CDH8: variants seen among roughly 807,000 people sequenced by gnomAD.
CDH8 encodes the protein cadherin-8.
A neutral mutation model predicts 68.1 loss-of-function variants in CDH8; 17 were observed. The observed-to-expected ratio is 0.25, with a 90% CI of 0.17 to 0.37. The LOEUF (loss-of-function observed/expected upper bound fraction) is 0.37, where lower values mean the gene tolerates loss of function less well. CDH8 is among the 10% of genes least tolerant of loss of function. The pLI is 1.00. For missense variants in CDH8, 763 were observed against 999.3 expected, an observed-to-expected ratio of 0.76 and a Z score of 3.19; for synonymous variants, 372 against 365.1, an observed-to-expected ratio of 1.02 and a Z score of -0.21.
intron 10 of CDH8, among the ~76,000 whole-genome samples, chr16:61,656,940 A>G (rs917443188): frequency 2.0e-5 from 3 of 152,190 alleles, no homozygotes; most frequent in Non-Finnish European, 2.9e-5. Flanking sequence ...ACTGAAAGAT[A>G]TACATTTACT....
chr16:61,965,155 G>A (rs1444606960), intron 2 of CDH8, among the ~76,000 whole-genome samples: 1 of 152,178 alleles, frequency 6.6e-6, no homozygotes, highest in Non-Finnish European at 1.5e-5. Context: ...ATCCCCTCAA[G>A]TAGGCATCAC....
intron 10 of CDH8, among the ~76,000 whole-genome samples, chr16:61,695,619 G>A (rs931273287): frequency 6.6e-6 from 1 of 152,104 alleles, no homozygotes; most frequent in African/African-American, 2.4e-5. Context: ...GACAATTCCA[G>A]ACACTGTCAA....
At chr16:61,741,930 CT>C (rs1959884086) in intron 8 of CDH8, among the ~76,000 whole-genome samples, 1 of 152,090 alleles carries the variant, frequency 6.6e-6, no homozygotes, top group African/African-American at 2.4e-5. Context: ...TGTATTGATA[CT>C]GCTTAGATTC....
intron 2 of CDH8, among the ~76,000 whole-genome samples, chr16:61,956,384 T>TG (rs1378424986): frequency 1.3e-5 from 2 of 152,034 alleles, no homozygotes; most frequent in Non-Finnish European, 2.9e-5. Flanking sequence ...TCAAAGAAAA[T>TG]GTCTACAATT....
intron 8 of CDH8, among the ~76,000 whole-genome samples, chr16:61,755,660 T>A (rs1278535782): frequency 6.6e-6 from 1 of 152,170 alleles, no homozygotes; most frequent in Non-Finnish European, 1.5e-5. Context: ...TTTTATTTTA[T>A]TTTATTTATT....
chr16:61,817,694 C>T lies in CDH8; in HGVS notation c.1062G>A (p.Lys354=). 1 of 1,600,114 alleles carries T rather than the reference C, an allele frequency of 6.2e-7. No individual in the cohort carries two copies. The highest frequency in any genetic ancestry group is 1.1e-5 in the South Asian group (1 of 89,146). ...CAATATGGACATTGGCTGCCTCTAC[C>T]TTTAGCGTATAGGATTTTTTGGTCT... The part of the protein sequence containing the change: ...DFETKKSYTL[K]VEAANVHIDP... The change falls in exon 7 of 12, where the codon AAG becomes AAA. Residue 354 remains lysine (K), a synonymous_variant. Transcript: ENST00000577390.
chr16:61,668,677 A>C lies in CDH8; in HGVS notation c.1655-12956T>G, dbSNP rs1008263190. 2.6e-5 allele frequency among the ~76,000 whole-genome samples: 4 copies of C among 151,802 alleles called. No homozygotes were observed. In the South Asian group the frequency reaches 8.3e-4, roughly 31 times the overall value. On this transcript the variant is annotated intron_variant, in intron 10 of 11. Coordinates refer to ENST00000577390, the MANE Select transcript of CDH8 (RefSeq NM_001796.5). ...CACATAAACCACTTAGGAAAAAAAAAAAACAAACACACACCAAGGCCTTTA... is the reference window on the plus strand; with the variant it reads ...CACATAAACCACTTAGGAAAAAAAACAAACAAACACACACCAAGGCCTTTA...
chr16:62,020,862 C>T (rs184222023), intron 2 of CDH8, among the ~76,000 whole-genome samples: 1 of 152,260 alleles, frequency 6.6e-6, no homozygotes, highest in East Asian at 1.9e-4. Context: ...TGAGATCTCT[C>T]TCGTGTGAGT....
intron 3 of CDH8, among the ~76,000 whole-genome samples, chr16:61,875,018 T>C (rs1424676929): frequency 6.6e-6 from 1 of 152,204 alleles, no homozygotes; most frequent in Non-Finnish European, 1.5e-5. Flanking sequence ...TAAAAATCTT[T>C]GGTGGAAACA....
At chr16:61,979,644 G>A (rs968874301) in intron 2 of CDH8, among the ~76,000 whole-genome samples, 1 of 146,172 alleles carries the variant, frequency 6.8e-6, no homozygotes, top group African/African-American at 2.5e-5. Context: ...TTTGTTTTAG[G>A]TTTTTTTTTT....
At chr16:62,001,141 A>C (rs1347023827) in intron 2 of CDH8, among the ~76,000 whole-genome samples, 1 of 152,178 alleles carries the variant, frequency 6.6e-6, no homozygotes, top group Non-Finnish European at 1.5e-5. Flanking sequence ...GAAATTCAGA[A>C]ACGTGATTCT....
chr16:61,788,004 G>C (rs1259860685), intron 8 of CDH8, among the ~76,000 whole-genome samples: 1 of 150,188 alleles, frequency 6.7e-6, no homozygotes, highest in South Asian at 2.1e-4. Flanking sequence ...CGAGTTAGTG[G>C]GTGTAGCGCA....
At chr16:61,968,074 A>T (rs1278621310) in intron 2 of CDH8, among the ~76,000 whole-genome samples, 4 of 152,080 alleles carry the variant, frequency 2.6e-5, no homozygotes, top group Non-Finnish European at 4.4e-5. Flanking sequence ...CCTCCCAAAG[A>T]GCTGGGATTA....
intron 2 of CDH8, among the ~76,000 whole-genome samples, chr16:61,961,298 G>A (rs1965150224): frequency 6.6e-6 from 1 of 151,868 alleles, no homozygotes; most frequent in South Asian, 2.1e-4. Flanking sequence ...CTGGGCAACA[G>A]AGTGAGACAT....
chr16:61,788,922 T>C (rs550683418), intron 8 of CDH8, among the ~76,000 whole-genome samples: 127 of 152,188 alleles, frequency 8.3e-4, no homozygotes, highest in Non-Finnish European at 1.4e-3. Flanking sequence ...CTTCCATCTA[T>C]ATTTTCCACA....
intron 2 of CDH8, among the ~76,000 whole-genome samples, chr16:61,967,220 G>A (rs144616718): frequency 6.6e-6 from 1 of 152,174 alleles, no homozygotes; most frequent in Non-Finnish European, 1.5e-5. Flanking sequence ...AAGAGAAGAG[G>A]AATGGCCATC....
intron 8 of CDH8, among the ~76,000 whole-genome samples, chr16:61,746,556 A>AACACACAC (rs71675273): frequency 0.05 from 7,022 of 140,120 alleles, 189 homozygotes; most frequent in Middle Eastern, 0.071. Context: ...ATTCCCCCCC[A>AACACACAC]ACACACACAC....
At chr16:61,993,270 C>G (rs760976684) in intron 2 of CDH8, among the ~76,000 whole-genome samples, 7 of 152,138 alleles carry the variant, frequency 4.6e-5, no homozygotes, top group Non-Finnish European at 8.8e-5. Flanking sequence ...AAATTGGAGA[C>G]AGCACTCCCT....
intron 8 of CDH8, among the ~76,000 whole-genome samples, chr16:61,774,835 T>A (rs1037133597): frequency 1.3e-5 from 2 of 152,182 alleles, no homozygotes; most frequent in African/African-American, 4.8e-5. Context: ...CTTGAACAGT[T>A]ATTTAAAAGA....
Sources: gnomAD v4.1 joint callset for allele counts (sites outside exome capture counted in the v4.1 genomes callset) on GRCh38, gnomAD v4.1.1 for gene constraint, MANE v1.5 for transcripts, NCBI Gene and HGNC (gene_info 2026-07-23, HGNC 2026-07-21) for gene names.